NREP: variants seen among roughly 807,000 people sequenced by gnomAD.
NREP encodes the protein neuronal regeneration related protein.
NREP carries 5 observed loss-of-function variants against 8.6 expected under a neutral mutation model. The observed-to-expected ratio is 0.58, with a 90% CI of 0.30 to 1.22. NREP has a LOEUF of 1.22. Ranked by LOEUF, NREP falls within the 50% of genes most tolerant of loss-of-function variation. The pLI is 0.07. For synonymous variants in NREP, 27 were observed against 28.0 expected (o/e 0.96, Z 0.11); for missense variants, 86 against 82.5 (o/e 1.04, Z -0.17).
At chr5:111,874,655 G>A (rs985018053) in intron 2 of NREP, among the ~76,000 whole-genome samples, 5 of 152,202 alleles carry the variant, frequency 3.3e-5, no homozygotes, top group African/African-American at 1.2e-4. Context: ...TGGGGCTGGA[G>A]TAGAGGAAGA....
chr5:111,874,353 T>C (rs1429103605), intron 2 of NREP, among the ~76,000 whole-genome samples: 1 of 152,192 alleles, frequency 6.6e-6, no homozygotes, highest in African/African-American at 2.4e-5. Flanking sequence ...GATGGAAAAG[T>C]ATAAACTCTT....
At chr5:111,943,224 T>C (rs940951411) in intron 2 of NREP, among the ~76,000 whole-genome samples, 8 of 152,066 alleles carry the variant, frequency 5.3e-5, no homozygotes, top group Admixed American at 4.6e-4. Context: ...ATAGCTAACA[T>C]TTTTGAGCAT....
chr5:111,797,556 A>C (rs1256014275), intron 2 of NREP, among the ~76,000 whole-genome samples: 1 of 152,210 alleles, frequency 6.6e-6, no homozygotes, highest in Non-Finnish European at 1.5e-5. Context: ...AAAGCTGATA[A>C]TATTGCTGGA....
intron 2 of NREP, among the ~76,000 whole-genome samples, chr5:111,765,737 C>A (rs996683576): frequency 6.6e-6 from 1 of 152,174 alleles, no homozygotes; most frequent in African/African-American, 2.4e-5. Flanking sequence ...CATCCCTTGG[C>A]ATCTCTTTAT....
At chr5:111,899,128 T>A (rs1195272863) in intron 2 of NREP, among the ~76,000 whole-genome samples, 1 of 151,902 alleles carries the variant, frequency 6.6e-6, no homozygotes, top group Non-Finnish European at 1.5e-5. Flanking sequence ...ATATATAATA[T>A]CATAAAAACA....
At chr5:111,940,272 T>C (rs1755795535) in intron 2 of NREP, 1 of 152,070 alleles carries the variant, frequency 6.6e-6, no homozygotes. Context: ...AAACAAAATA[T>C]AGTTTAAGGA....
chr5:111,931,155 A>G (rs2112598262), intron 2 of NREP, among the ~76,000 whole-genome samples: 1 of 152,186 alleles, frequency 6.6e-6, no homozygotes, highest in East Asian at 1.9e-4. Context: ...GGTGGTTTTA[A>G]AATATGTCCA....
intron 2 of NREP, among the ~76,000 whole-genome samples, chr5:111,853,013 G>T (rs1032028990): frequency 2.6e-5 from 4 of 152,088 alleles, no homozygotes; most frequent in Non-Finnish European, 2.9e-5. Context: ...GAACTGCTTG[G>T]GGTGGTGGAA....
At chr5:111,757,426 GTCTC>G (rs897567585), upstream of NREP, 80 of 980,878 alleles carry the variant, frequency 8.2e-5, no homozygotes, top group African/African-American at 1.2e-3. Context: ...TTCTCTAAGA[GTCTC>G]TCTCTCTCCC....
At chr5:111,819,009 A>C (rs750311596) in intron 2 of NREP, among the ~76,000 whole-genome samples, 1 of 152,224 alleles carries the variant, frequency 6.6e-6, no homozygotes, top group Admixed American at 6.5e-5. Flanking sequence ...AGTGAACTCC[A>C]AGTTTCTCTT....
chr5:111,919,915 G>GAAAGAAAGAAAA (rs1554053106), intron 2 of NREP, among the ~76,000 whole-genome samples: 1 of 146,176 alleles, frequency 6.8e-6, no homozygotes, highest in Non-Finnish European at 1.5e-5. Context: ...AAGAAAGAAA[G>GAAAGAAAGAAAA]AAAGATCTGA....
chr5:111,800,917 A>G (rs1389657837), intron 2 of NREP, among the ~76,000 whole-genome samples: 3 of 152,216 alleles, frequency 2.0e-5, no homozygotes, highest in Admixed American at 6.5e-5. Context: ...TTTGTCACAT[A>G]TAGTTCATCC....
chr5:111,749,182 G>A (rs1028361637), intron 2 of NREP, among the ~76,000 whole-genome samples: 14 of 152,140 alleles, frequency 9.2e-5, no homozygotes, highest in African/African-American at 3.1e-4. Context: ...CTGTCAAGCC[G>A]CAGAAATAAA....
At chr5:111,844,939 A>G (rs545543970) in intron 2 of NREP, among the ~76,000 whole-genome samples, 27 of 151,908 alleles carry the variant, frequency 1.8e-4, no homozygotes, top group Admixed American at 2.6e-4. Flanking sequence ...CATGAATATA[A>G]CTAATAAATA....
chr5:111,975,208 G>A, intron 2 of NREP: 1 of 1,121,464 alleles, frequency 8.9e-7, no homozygotes, highest in Non-Finnish European at 1.3e-6. Flanking sequence ...TTGGTTGCAT[G>A]TGATGGAAAC....
chr5:111,794,930 G>C (rs1403546376), intron 2 of NREP, among the ~76,000 whole-genome samples: 2 of 151,250 alleles, frequency 1.3e-5, no homozygotes, highest in South Asian at 2.1e-4. Flanking sequence ...ATATATGGGG[G>C]TCAGGGGATA....
chr5:111,734,917 G>C (rs1257523859), intron 3 of NREP: 15 of 434,058 alleles, frequency 3.5e-5, no homozygotes, highest in Non-Finnish European at 5.3e-5. Flanking sequence ...AAATTTTCTT[G>C]AGGCAGAGAA....
At chr5:111,790,720 C>A (rs918165808) in intron 2 of NREP, among the ~76,000 whole-genome samples, 30 of 152,044 alleles carry the variant, frequency 2.0e-4, no homozygotes, top group African/African-American at 7.2e-4. Context: ...TATTGAAACA[C>A]AAGGTTGTCA....
At chr5:111,929,132 A>C (rs1755470013) in intron 2 of NREP, among the ~76,000 whole-genome samples, 1 of 152,144 alleles carries the variant, frequency 6.6e-6, no homozygotes, top group South Asian at 2.1e-4. Flanking sequence ...TGGTACTAAT[A>C]GTTTAGATTA....
Sources: gnomAD v4.1 joint callset for allele counts (sites outside exome capture counted in the v4.1 genomes callset) on GRCh38, gnomAD v4.1.1 for gene constraint, MANE v1.5 for transcripts, NCBI Gene and HGNC (gene_info 2026-07-23, HGNC 2026-07-21) for gene names.